The following ATRN variants were observed in gnomAD, a reference collection of about 807,000 sequenced individuals.
The protein encoded by ATRN is attractin-2.
A neutral mutation model predicts 178.7 loss-of-function variants in ATRN; 54 were observed. The observed-to-expected ratio is 0.30, with a 90% CI of 0.24 to 0.38. ATRN has a LOEUF of 0.38. ATRN is among the 10% of genes least tolerant of loss of function. ATRN has a pLI of 1.00. For missense variants in ATRN, 1,443 were observed against 1,815.1 expected (o/e 0.79, Z 3.73); for synonymous variants, 636 against 663.0 (o/e 0.96, Z 0.63).
intron 3 of ATRN, among the ~76,000 whole-genome samples, chr20:3,543,984 T>A (rs1220131431): frequency 6.6e-6 from 1 of 152,040 alleles, no homozygotes; most frequent in Admixed American, 6.5e-5. Context: ...CAGTGAGCTG[T>A]GATCATGCCA....
intron 6 of ATRN, among the ~76,000 whole-genome samples, chr20:3,556,709 A>C (rs995501657): frequency 6.6e-6 from 1 of 152,136 alleles, no homozygotes; most frequent in African/African-American, 2.4e-5. Context: ...TTTATCTTGT[A>C]CTTTTTTGTA....
At chr20:3,561,112 G>A (rs919264826) in intron 8 of ATRN, among the ~76,000 whole-genome samples, 16 of 152,226 alleles carry the variant, frequency 1.1e-4, no homozygotes, top group African/African-American at 3.6e-4. Context: ...CCTAAGGTCA[G>A]GAGTTCAAGA....
intron 26 of ATRN, 85 bp downstream of exon 26, chr20:3,634,474 T>C: frequency 8.0e-7 from 1 of 1,245,556 alleles, no homozygotes; most frequent in Non-Finnish European, 1.2e-6. Flanking sequence ...GTTTTAGCTA[T>C]TTAGTGATAA....
At chr20:3,516,820 C>T (rs575684728) in intron 1 of ATRN, among the ~76,000 whole-genome samples, 26 of 152,090 alleles carry the variant, frequency 1.7e-4, no homozygotes, top group African/African-American at 4.8e-4. Flanking sequence ...ATGAACTCAT[C>T]CTTTTTTATG....
chr20:3,633,147 A>G (rs1230571235), intron 25 of ATRN, among the ~76,000 whole-genome samples: 2 of 119,440 alleles, frequency 1.7e-5, no homozygotes, highest in Non-Finnish European at 3.5e-5. Flanking sequence ...AAAAAAGACA[A>G]TGTAGACTGT....
At chr20:3,644,390 C>A in intron 28 of ATRN, 122 bp downstream of exon 28, 1 of 816,214 alleles carries the variant, frequency 1.2e-6, no homozygotes. Flanking sequence ...CTGCCCATGC[C>A]ATGGCAAGGA....
intron 1 of ATRN, among the ~76,000 whole-genome samples, chr20:3,479,178 A>C (rs2084581313): frequency 6.6e-6 from 1 of 152,180 alleles, no homozygotes; most frequent in South Asian, 2.1e-4. Flanking sequence ...GGCATGAGCC[A>C]CTGCACCTGA....
intron 11 of ATRN, among the ~76,000 whole-genome samples, chr20:3,565,991 C>T (rs576910304): frequency 3.3e-5 from 5 of 152,014 alleles, no homozygotes; most frequent in South Asian, 2.1e-4. Flanking sequence ...TTTGTTAGCA[C>T]GCAAGAGCAT....
intron 24 of ATRN, among the ~76,000 whole-genome samples, chr20:3,615,073 T>C (rs1225178637): frequency 6.6e-6 from 1 of 152,202 alleles, no homozygotes; most frequent in Non-Finnish European, 1.5e-5. Flanking sequence ...AGATATACTT[T>C]TAATGTTTAT....
At chr20:3,555,360 C>T (rs747820390) in intron 6 of ATRN, among the ~76,000 whole-genome samples, 3 of 152,078 alleles carry the variant, frequency 2.0e-5, no homozygotes, top group Non-Finnish European at 4.4e-5. Context: ...TGATAATTCT[C>T]GGTGATAGCC....
intron 1 of ATRN, among the ~76,000 whole-genome samples, chr20:3,480,591 A>G (rs2084605254): frequency 1.3e-5 from 2 of 152,310 alleles, no homozygotes; most frequent in South Asian, 2.1e-4. Flanking sequence ...CAGTAGAACA[A>G]TTCCTAACAT....
intron 1 of ATRN, among the ~76,000 whole-genome samples, chr20:3,494,555 A>AG (rs2084851784): frequency 6.6e-6 from 1 of 152,166 alleles, no homozygotes; most frequent in Non-Finnish European, 1.5e-5. Flanking sequence ...GGGATCAAAG[A>AG]GGGAAAAAGA....
intron 6 of ATRN, among the ~76,000 whole-genome samples, chr20:3,559,111 G>T (rs1484640868): frequency 1.3e-5 from 2 of 152,132 alleles, no homozygotes; most frequent in African/African-American, 2.4e-5. Flanking sequence ...ACCTTTAAAT[G>T]ATTTAGACTG....
At chr20:3,478,543 G>A (rs1599996537) in intron 1 of ATRN, among the ~76,000 whole-genome samples, 1 of 152,048 alleles carries the variant, frequency 6.6e-6, no homozygotes, top group Admixed American at 6.6e-5. Flanking sequence ...CGGTGGGTAG[G>A]GGGATAGGGG....
At chr20:3,501,443 C>T (rs986934887) in intron 1 of ATRN, among the ~76,000 whole-genome samples, 1 of 152,072 alleles carries the variant, frequency 6.6e-6, no homozygotes, top group Non-Finnish European at 1.5e-5. Context: ...AGAAAAATGG[C>T]TTATTTCATG....
At chr20:3,474,862 C>T (rs2084498241) in intron 1 of ATRN, among the ~76,000 whole-genome samples, 2 of 151,370 alleles carry the variant, frequency 1.3e-5, no homozygotes, top group Admixed American at 6.6e-5. Flanking sequence ...GAATCCCCGT[C>T]TCTACTAAAA....
intron 3 of ATRN, among the ~76,000 whole-genome samples, chr20:3,544,847 A>G (rs1442106039): frequency 6.8e-6 from 1 of 146,602 alleles, no homozygotes; most frequent in Non-Finnish European, 1.5e-5. Flanking sequence ...TTTTTTTACC[A>G]GTCACACAAC....
At chr20:3,640,365 G>A (rs1385070704) in intron 27 of ATRN, among the ~76,000 whole-genome samples, 1 of 152,208 alleles carries the variant, frequency 6.6e-6, no homozygotes, top group African/African-American at 2.4e-5. Context: ...TAAGAATATG[G>A]AGGATAGAAT....
At chr20:3,544,416 A>G (rs903605863) in intron 3 of ATRN, among the ~76,000 whole-genome samples, 2 of 152,140 alleles carry the variant, frequency 1.3e-5, no homozygotes, top group Admixed American at 6.6e-5. Context: ...TAGAATTGCT[A>G]GGTCAGAGTG....
Sources: gnomAD v4.1 joint callset for allele counts (sites outside exome capture counted in the v4.1 genomes callset) on GRCh38, gnomAD v4.1.1 for gene constraint, MANE v1.5 for transcripts, NCBI Gene and HGNC (gene_info 2026-07-23, HGNC 2026-07-21) for gene names.